The following MYO3B variants were observed in gnomAD, a reference collection of about 807,000 sequenced individuals.
The protein encoded by MYO3B is myosin-IIIb.
A neutral mutation model predicts 174.6 loss-of-function variants in MYO3B; 156 were observed. The ratio of observed to expected loss-of-function variants is 0.89; its 90% CI spans 0.78 to 1.02. The LOEUF (loss-of-function observed/expected upper bound fraction) is 1.02. Among genes scored for constraint, MYO3B ranks in the 50% least tolerant of loss-of-function variants. The pLI is 0.00. For synonymous variants in MYO3B, 563 were observed against 569.1 expected, an observed-to-expected ratio of 0.99 and a Z score of 0.15; for missense variants, 1,632 against 1,639.4, an observed-to-expected ratio of 1.00 and a Z score of 0.08.
intron 22 of MYO3B, among the ~76,000 whole-genome samples, chr2:170,410,011 T>C (rs901480857): frequency 1.3e-5 from 2 of 152,238 alleles, no homozygotes; most frequent in African/African-American, 4.8e-5. Flanking sequence ...GTTTCAGGCA[T>C]GTCCCTCTCG....
chr2:170,440,492 G>A (rs552235601), intron 22 of MYO3B, among the ~76,000 whole-genome samples: 1 of 152,152 alleles, frequency 6.6e-6, no homozygotes, highest in East Asian at 1.9e-4. Flanking sequence ...AAAGTCTTTT[G>A]CCTCCTTGAT....
intron 25 of MYO3B, among the ~76,000 whole-genome samples, chr2:170,485,450 GAGTT>G (rs1381173046): frequency 1.3e-5 from 2 of 151,456 alleles, no homozygotes; most frequent in African/African-American, 2.4e-5. Context: ...GAGAGCGAGT[GAGTT>G]AGAGGAAGAG....
intron 32 of MYO3B, among the ~76,000 whole-genome samples, chr2:170,577,358 T>C (rs1692847935): frequency 6.6e-6 from 1 of 152,202 alleles, no homozygotes; most frequent in East Asian, 1.9e-4. Flanking sequence ...ACATATCCAG[T>C]GGGCCTTATT....
At chr2:170,394,318 GC>G (rs1312527976) in intron 16 of MYO3B, among the ~76,000 whole-genome samples, 1 of 152,100 alleles carries the variant, frequency 6.6e-6, no homozygotes, top group East Asian at 1.9e-4. Context: ...ATATAATGGT[GC>G]CATTCTAATA....
At chr2:170,463,064 T>C (rs1378948358) in intron 23 of MYO3B, among the ~76,000 whole-genome samples, 4 of 152,262 alleles carry the variant, frequency 2.6e-5, no homozygotes, top group African/African-American at 9.6e-5. Context: ...TAGTTTGGTC[T>C]CATATGACCT....
At chr2:170,461,775 TAAA>T (rs5836280) in intron 23 of MYO3B, among the ~76,000 whole-genome samples, 22 of 144,782 alleles carry the variant, frequency 1.5e-4, no homozygotes, top group Non-Finnish European at 2.3e-4. Flanking sequence ...AAACTCCGTT[TAAA>T]AAAAAAAAAA....
intron 6 of MYO3B, among the ~76,000 whole-genome samples, chr2:170,225,371 C>G (rs1330669588): frequency 6.6e-6 from 1 of 152,162 alleles, no homozygotes. Context: ...TATACCACAG[C>G]AAATTATTTA....
intron 32 of MYO3B, among the ~76,000 whole-genome samples, chr2:170,605,548 T>G (rs944202668): frequency 4.6e-5 from 7 of 152,096 alleles, no homozygotes; most frequent in Admixed American, 1.3e-4. Flanking sequence ...CCTTGGTATT[T>G]CCTGTTTTAA....
intron 7 of MYO3B, among the ~76,000 whole-genome samples, chr2:170,274,070 G>A (rs1459751521): frequency 6.6e-6 from 1 of 151,834 alleles, no homozygotes; most frequent in Non-Finnish European, 1.5e-5. Flanking sequence ...TATATCAGAT[G>A]CATAGGCAAA....
chr2:170,237,711 C>G (rs1386183670), intron 7 of MYO3B, among the ~76,000 whole-genome samples: 2 of 152,218 alleles, frequency 1.3e-5, no homozygotes, highest in Non-Finnish European at 1.5e-5. Flanking sequence ...AACTAAGTCT[C>G]TACTGCCTGC....
chr2:170,614,091 T>C (rs1288998027), intron 32 of MYO3B, among the ~76,000 whole-genome samples: 1 of 152,058 alleles, frequency 6.6e-6, no homozygotes, highest in Non-Finnish European at 1.5e-5. Context: ...GTGCTCTCTC[T>C]CCCACCTCCC....
rs201713970 is a variant in MYO3B at position 170,490,527 on chromosome 2, TTA to T, written c.3015-8063_3015-8062del. On this transcript the variant is annotated intron_variant, in intron 25 of 34. Transcript: ENST00000408978. ...TACTTACGCCCTTCAAACATGGATG[TTA>T]TTTTTTTTTTTGTCTTATTGTGCTG... Among the ~76,000 whole-genome samples the T allele has an allele frequency of 7.4e-3, 1,099 of 148,882 alleles. 13 individuals carry two copies. Among genetic ancestry groups the T allele is most frequent in the African/African-American group, 0.027 (1,038 of 38,366 alleles).
At chr2:170,493,830 C>G (rs1686659016) in intron 25 of MYO3B, among the ~76,000 whole-genome samples, 1 of 152,120 alleles carries the variant, frequency 6.6e-6, no homozygotes, top group South Asian at 2.1e-4. Context: ...CTGGAGAGGC[C>G]CACGTGGCAA....
At chr2:170,502,471 C>G (rs1687340179) in intron 28 of MYO3B, among the ~76,000 whole-genome samples, 1 of 152,198 alleles carries the variant, frequency 6.6e-6, no homozygotes, top group African/African-American at 2.4e-5. Context: ...ATGGCATGAG[C>G]ACATGGTGGC....
chr2:170,470,679 A>G (rs1361345664), intron 25 of MYO3B, among the ~76,000 whole-genome samples: 2 of 152,184 alleles, frequency 1.3e-5, no homozygotes, highest in Non-Finnish European at 2.9e-5. Context: ...GAACAATTTA[A>G]ATTACCATCA....
At chr2:170,396,626 G>T (rs553270813) in intron 16 of MYO3B, among the ~76,000 whole-genome samples, 1 of 152,214 alleles carries the variant, frequency 6.6e-6, no homozygotes, top group African/African-American at 2.4e-5. Flanking sequence ...TTTTTCTCAG[G>T]GTCATAGATA....
chr2:170,363,940 T>C (rs1411502538), intron 8 of MYO3B, among the ~76,000 whole-genome samples: 1 of 152,224 alleles, frequency 6.6e-6, no homozygotes, highest in Non-Finnish European at 1.5e-5. Flanking sequence ...GAATTACTTA[T>C]GATTTGGGGA....
chr2:170,185,665 T>C (rs4668217), intron 1 of MYO3B, among the ~76,000 whole-genome samples: 2 of 151,946 alleles, frequency 1.3e-5, no homozygotes, highest in African/African-American at 4.8e-5. Flanking sequence ...TGATGTTTTT[T>C]CTATTTATGT....
intron 28 of MYO3B, among the ~76,000 whole-genome samples, chr2:170,506,617 G>A (rs1162062341): frequency 6.6e-6 from 1 of 152,168 alleles, no homozygotes; most frequent in Admixed American, 6.5e-5. Flanking sequence ...TTCCCTCAAA[G>A]GGATGCTGTT....
Sources: allele counts gnomAD v4.1 joint callset (sites outside exome capture counted in the v4.1 genomes callset), GRCh38; gene constraint gnomAD v4.1.1; transcripts MANE v1.5; gene names NCBI Gene and HGNC (gene_info 2026-07-23, HGNC 2026-07-21).